The following ZFP2 variants were observed in gnomAD, a reference collection of about 807,000 sequenced individuals.
ZFP2 encodes ZFP2 zinc finger protein.
ZFP2 carries 33 observed loss-of-function variants against 36.1 expected under a neutral mutation model. The ratio of observed to expected loss-of-function variants is 0.92; its 90% confidence interval spans 0.69 to 1.22. ZFP2 has a LOEUF of 1.22. Ranked by LOEUF, ZFP2 falls within the 50% of genes most tolerant of loss-of-function variation. The pLI is 0.00. For missense variants in ZFP2, 522 were observed against 551.4 expected (o/e 0.95, Z 0.53); for synonymous variants, 170 against 178.0 (o/e 0.96, Z 0.36).
chr5:178,923,346 A>G (rs778469272), intron 4 of ZFP2, among the ~76,000 whole-genome samples: 1 of 149,380 alleles, frequency 6.7e-6, no homozygotes, highest in Non-Finnish European at 1.5e-5. Flanking sequence ...TGCCTCTATG[A>G]ATTTGACTAC....
At chr5:178,916,767 C>T in intron 4 of ZFP2, 57 bp downstream of exon 4, 1 of 976,002 alleles carries the variant, frequency 1.0e-6, no homozygotes. Context: ...GGTGAAATAA[C>T]ATGTCAGAAT....
At chr5:178,909,115 C>T (rs575147486) in intron 1 of ZFP2, among the ~76,000 whole-genome samples, 165 of 133,228 alleles carry the variant, frequency 1.2e-3, no homozygotes, top group Non-Finnish European at 1.5e-3. Flanking sequence ...TAAAACCCCT[C>T]GTGGCCTGGA....
intron 4 of ZFP2, chr5:178,921,918 C>A: frequency 2.1e-6 from 1 of 469,766 alleles, no homozygotes; most frequent in Non-Finnish European, 4.0e-6. Context: ...GAAGAGGATC[C>A]TCTACTTTGG....
chr5:178,929,634 A>G (rs1758774822), intron 4 of ZFP2, among the ~76,000 whole-genome samples: 1 of 152,142 alleles, frequency 6.6e-6, no homozygotes, highest in Non-Finnish European at 1.5e-5. Context: ...CCATATCACT[A>G]TCAGCATTTT....
chr5:178,901,275 T>G (rs1241261818), intron 1 of ZFP2, among the ~76,000 whole-genome samples: 1 of 152,220 alleles, frequency 6.6e-6, no homozygotes, highest in Non-Finnish European at 1.5e-5. Context: ...CTGCAGTATT[T>G]GAGAATTCCA....
In ZFP2 at chr5:178,933,084, A is replaced by G. The variant is rs1414483404; in HGVS notation, c.*385A>G. ...GTCCTAATCTGCCACTGCCTTGGAC[A>G]ACTTGCCTACTTCCACCAGGTTATG... On this transcript the variant is annotated 3_prime_UTR_variant, in exon 5 of 5. Transcript: ENST00000361362. 1.1e-5 allele frequency: 2 copies of G among 175,474 alleles called. No individual in the cohort carries two copies. Among genetic ancestry groups the G allele is most frequent in the Non-Finnish European group, 2.7e-5 (2 of 73,818 alleles). 10.9% of individuals were successfully genotyped at this position (175,474 alleles called of 1,614,324 possible).
At chr5:178,920,834 C>A (rs1313700509) in intron 4 of ZFP2, among the ~76,000 whole-genome samples, 1 of 152,164 alleles carries the variant, frequency 6.6e-6, no homozygotes, top group African/African-American at 2.4e-5. Context: ...TGTTGGTTAT[C>A]TTTTCCCATG....
chr5:178,905,622 C>G (rs1758151471), intron 1 of ZFP2, among the ~76,000 whole-genome samples: 1 of 151,610 alleles, frequency 6.6e-6, no homozygotes, highest in Admixed American at 6.6e-5. Context: ...TATGAGGTAT[C>G]CTGTACTGAA....
At position 178,923,257 on chromosome 5, in the gene ZFP2, T is replaced by C. The variant is rs1234036496; in HGVS notation, c.-78+6547T>C. Among the ~76,000 whole-genome samples the C allele has an allele frequency of 2.0e-5, 3 of 149,618 alleles. 1 individual carries two copies. Among genetic ancestry groups the C allele is most frequent in the Non-Finnish European group, 4.5e-5 (3 of 66,640 alleles). ...TCCGTCTCCAGAACTTTTTCATCTT[T>C]CCTAATGAAAACTCTATATCCTTTA... On this transcript the variant is annotated intron_variant, in intron 4 of 4. Transcript: ENST00000361362.
At chr5:178,902,099 C>T (rs7731623) in intron 1 of ZFP2, among the ~76,000 whole-genome samples, 3,154 of 152,306 alleles carry the variant, frequency 0.021, 98 homozygotes, top group African/African-American at 0.061. Context: ...CACTCCACTG[C>T]ACTCCAGCCT....
chr5:178,924,639 A>C (rs1253909289), intron 4 of ZFP2, among the ~76,000 whole-genome samples: 2 of 148,632 alleles, frequency 1.3e-5, no homozygotes, highest in African/African-American at 4.9e-5. Flanking sequence ...CAGGAGTTCA[A>C]GATCAGCCTG....
intron 1 of ZFP2, among the ~76,000 whole-genome samples, chr5:178,904,302 G>A (rs1333457225): frequency 6.6e-6 from 1 of 152,086 alleles, no homozygotes; most frequent in African/African-American, 2.4e-5. Flanking sequence ...TTTTCCACAG[G>A]GGATGCAGAC....
intron 1 of ZFP2, among the ~76,000 whole-genome samples, chr5:178,911,598 A>G (rs533722137): frequency 2.6e-4 from 40 of 152,308 alleles, no homozygotes; most frequent in Non-Finnish European, 2.2e-4. Flanking sequence ...TCCAGTCAAC[A>G]CTAGGCTATT....
At chr5:178,912,158 G>GAA (rs1181694700) in intron 1 of ZFP2, among the ~76,000 whole-genome samples, 1 of 152,088 alleles carries the variant, frequency 6.6e-6, no homozygotes, top group African/African-American at 2.4e-5. Flanking sequence ...AGAAAGAAAA[G>GAA]AAAAGAAAAG....
chr5:178,931,444 G>C lies in ZFP2; in HGVS notation c.131G>C (p.Arg44Thr), dbSNP rs1016358182. 28 of 1,613,990 alleles carry C rather than the reference G, an allele frequency of 1.7e-5. 2 individuals are homozygous for C. Among genetic ancestry groups the C allele is most frequent in the East Asian group, 1.1e-4 (5 of 44,878 alleles). The change falls in exon 5 of 5, where the codon AGA becomes ACA. Residue 44 changes from arginine (R) to threonine (T), a missense_variant. Coordinates refer to ENST00000361362, the MANE Select transcript of ZFP2 (RefSeq NM_030613.4). Reference sequence around the variant, plus strand: ...CATAAGGAAACCTTCACTGAGATGAGAGTATGTGGAGGTAATGAATTTGAA... The same window carrying C: ...CATAAGGAAACCTTCACTGAGATGACAGTATGTGGAGGTAATGAATTTGAA... The part of the protein sequence containing the change: ...VTHKETFTEM[R>T]VCGGNEFERC...
chr5:178,931,233 TCAGACTGGGA>T lies in ZFP2; in HGVS notation c.-77-3_-71del. On this transcript the variant is annotated splice_acceptor_variant and splice_polypyrimidine_tract_variant and 5_prime_UTR_variant and intron_variant, in exon 5 of 5. Coordinates refer to ENST00000361362, the MANE Select transcript of ZFP2 (RefSeq NM_030613.4). LOFTEE classifies it low-confidence loss of function (5UTR_SPLICE). The stretch of plus-strand genomic sequence containing the variant: ...TGTGCATTTGAATTTTTTTTTTTTT[TCAGACTGGGA>T]GACAAGACTTGAAACCAAAGAGCCA... 6.7e-7 allele frequency: 1 copy of T among 1,498,608 alleles called. No homozygotes were observed. Among genetic ancestry groups the T allele is most frequent in the Non-Finnish European group, 8.9e-7 (1 of 1,128,044 alleles). The allele number at this position is 1,498,608 out of a possible 1,614,324, so 92.8% of individuals were successfully genotyped here. A position where few individuals can be genotyped will look rare whatever the true frequency, so the allele number is the denominator to read the frequency against.
intron 4 of ZFP2, among the ~76,000 whole-genome samples, chr5:178,924,013 T>C (rs905348909): frequency 2.0e-5 from 3 of 149,360 alleles, no homozygotes; most frequent in Admixed American, 6.7e-5. Context: ...TAACTAACTT[T>C]TGTTCTTATA....
At chr5:178,896,158 G>T (rs2114045155) in intron 1 of ZFP2, among the ~76,000 whole-genome samples, 184 bp downstream of exon 1, 1 of 152,306 alleles carries the variant, frequency 6.6e-6, no homozygotes, top group Non-Finnish European at 1.5e-5. Context: ...GGCTCCAGGT[G>T]CGCTCCCTCT....
intron 4 of ZFP2, among the ~76,000 whole-genome samples, chr5:178,919,987 TATG>T (rs1758521147): frequency 6.6e-6 from 1 of 151,966 alleles, no homozygotes; most frequent in South Asian, 2.1e-4. Flanking sequence ...AAAATTTGAT[TATG>T]ATGCATCTGG....
Sources: allele counts gnomAD v4.1 joint callset (sites outside exome capture counted in the v4.1 genomes callset), GRCh38; gene constraint gnomAD v4.1.1; transcripts MANE v1.5; gene names NCBI Gene and HGNC (gene_info 2026-07-23, HGNC 2026-07-21).